GBF1: variants seen among roughly 807,000 people sequenced by gnomAD.
The protein encoded by GBF1 is Golgi-specific brefeldin A-resistance guanine nucleotide exchange factor 1.
GBF1 carries 114 observed loss-of-function variants against 210.5 expected under a neutral mutation model. The observed-to-expected ratio is 0.54, with a 90% CI of 0.47 to 0.63. GBF1 has a LOEUF of 0.63. GBF1 is among the 30% of genes least tolerant of loss of function. GBF1 has a pLI of 0.00. For synonymous variants in GBF1, 850 were observed against 889.2 expected (o/e 0.96, Z 0.78); for missense variants, 1,851 against 2,357.7 (o/e 0.79, Z 4.45).
At chr10:102,240,267 G>C in the GBF1 span, among the ~76,000 whole-genome samples, 7 of 152,122 alleles carry the variant, frequency 4.6e-5, no homozygotes, top group Admixed American at 4.6e-4. Flanking sequence ...TCCTTTCCTG[G>C]TCTTGATTCC....
chr10:102,249,692 C>CT lies in GBF1; in HGVS notation c.-11+3926dup, dbSNP rs200423046. Reference sequence around the variant, plus strand: ...CTCTGCATCTTTAGTGTTTCTCTGGCTTTTTTTTTTTTTTTCTCTGATGGA... The same window carrying CT: ...CTCTGCATCTTTAGTGTTTCTCTGGCTTTTTTTTTTTTTTTTCTCTGATGGA... On this transcript the variant is annotated intron_variant, in intron 1 of 39. Coordinates refer to ENST00000369983, the MANE Select transcript of GBF1 (RefSeq NM_001377137.1). Among the ~76,000 whole-genome samples, 677 of 142,126 alleles carry CT rather than the reference C, an allele frequency of 4.8e-3. 1 individual carries two copies. Among genetic ancestry groups the CT allele is most frequent in the African/African-American group, 7.0e-3 (274 of 39,008 alleles). The allele number at this position is 142,126 out of a possible 152,430, so 93.2% of individuals were successfully genotyped here.
At chr10:102,253,580 C>T (rs905065175) in intron 1 of GBF1, among the ~76,000 whole-genome samples, 7 of 152,078 alleles carry the variant, frequency 4.6e-5, no homozygotes, top group African/African-American at 9.7e-5. Context: ...GTGGTGTGAT[C>T]GTGGCTCACT....
intron 3 of GBF1, among the ~76,000 whole-genome samples, chr10:102,312,225 G>A (rs2078509911): frequency 6.6e-6 from 1 of 151,922 alleles, no homozygotes; most frequent in Non-Finnish European, 1.5e-5. Context: ...CCTCGGGGGT[G>A]GAGGTTGCGG....
chr10:102,363,215 A>T lies in GBF1; in HGVS notation c.1877-41A>T. The T allele has an allele frequency of 6.4e-7, 1 of 1,566,280 alleles. No homozygotes were observed. Among genetic ancestry groups the T allele is most frequent in the South Asian group, 1.2e-5 (1 of 85,344 alleles). ...CTATCCTGCAGCTCTGCTTGGCTTC[A>T]TACCCTATAAGTCTTCACGTATCTT... is the stretch of plus-strand genomic sequence containing the variant. On this transcript the variant is annotated intron_variant, in intron 15 of 39. Coordinates refer to ENST00000369983, the MANE Select transcript of GBF1 (RefSeq NM_001377137.1). This position sits in a 1 kb window ranked among gnomAD's most constrained non-coding sequence, Gnocchi z 4.2.
At chr10:102,323,623 G>C (rs2056635737) in intron 3 of GBF1, among the ~76,000 whole-genome samples, 1 of 134,568 alleles carries the variant, frequency 7.4e-6, no homozygotes, top group African/African-American at 2.8e-5. Flanking sequence ...TCGCTATATT[G>C]CCCAACTCCT....
At chr10:102,380,052 G>C in intron 36 of GBF1, 98 bp downstream of exon 36, 1 of 839,540 alleles carries the variant, frequency 1.2e-6, no homozygotes, top group Non-Finnish European at 2.0e-6. Context: ...ATGCACTGTA[G>C]GTGCTCACAA....
chr10:102,276,525 CAAAA>C (rs67888654), intron 3 of GBF1, among the ~76,000 whole-genome samples: 1,425 of 113,542 alleles, frequency 0.013, 23 homozygotes, highest in African/African-American at 0.045. Flanking sequence ...GACTCTGCCT[CAAAA>C]AAAAAAAAAA....
intron 1 of GBF1, among the ~76,000 whole-genome samples, chr10:102,251,021 A>C (rs902778257): frequency 6.9e-6 from 1 of 144,002 alleles, no homozygotes; most frequent in Admixed American, 6.9e-5. Flanking sequence ...AAAAAAAAAA[A>C]CCACTTAAAC....
At chr10:102,344,719 A>C (rs2058420022) in intron 4 of GBF1, among the ~76,000 whole-genome samples, 1 of 152,022 alleles carries the variant, frequency 6.6e-6, no homozygotes, top group Non-Finnish European at 1.5e-5. Flanking sequence ...TGACCTCATG[A>C]TCTGCCCGCC....
At chr10:102,288,123 G>A (rs949512227) in intron 3 of GBF1, among the ~76,000 whole-genome samples, 3 of 152,144 alleles carry the variant, frequency 2.0e-5, no homozygotes, top group Non-Finnish European at 4.4e-5. Context: ...CAGTAAGCAT[G>A]ATCGATCTAC....
chr10:102,380,245 A>G lies in GBF1; in HGVS notation c.4879-4A>G, dbSNP rs531681933. ...CTCAGCTGAAGGGGGCTGGTGGGCC[A>G]TAGGTCTTCCTGCAGCACCTGTCTC... On this transcript the variant is annotated splice_polypyrimidine_tract_variant and splice_region_variant and intron_variant, in intron 36 of 39. Transcript: ENST00000369983. 1 of 1,605,832 alleles carries G rather than the reference A, an allele frequency of 6.2e-7. No individual in the cohort carries two copies. Among genetic ancestry groups the G allele is most frequent in the Admixed American group, 1.7e-5 (1 of 60,004 alleles).
At chr10:102,341,887 C>G (rs2058203740) in intron 3 of GBF1, among the ~76,000 whole-genome samples, 1 of 152,132 alleles carries the variant, frequency 6.6e-6, no homozygotes, top group Non-Finnish European at 1.5e-5. Context: ...CACAGAAAAT[C>G]TGTACCTGTC....
chr10:102,305,001 GAAA>G (rs2077718817), intron 3 of GBF1, among the ~76,000 whole-genome samples: 1 of 150,374 alleles, frequency 6.7e-6, no homozygotes, highest in South Asian at 2.1e-4. Flanking sequence ...AAGAAAGAAA[GAAA>G]GAAAGAAAGA....
chr10:102,266,632 G>A (rs977867064), intron 3 of GBF1, among the ~76,000 whole-genome samples: 3 of 152,132 alleles, frequency 2.0e-5, no homozygotes, highest in Non-Finnish European at 2.9e-5. Context: ...TCTTATTCCT[G>A]CTCTTTCCTT....
At chr10:102,237,773 C>CT in the GBF1 span, among the ~76,000 whole-genome samples, 25 of 152,048 alleles carry the variant, frequency 1.6e-4, no homozygotes, top group African/African-American at 4.3e-4. Flanking sequence ...AAAAATAAAG[C>CT]TTTTTTTAAT....
chr10:102,362,721 C>T, intron 15 of GBF1, 57 bp downstream of exon 15: 1 of 1,378,234 alleles, frequency 7.3e-7, no homozygotes. Flanking sequence ...CCCTTCTCTA[C>T]TCTCTGAGTC....
chr10:102,253,703 G>A (rs2071930185), intron 1 of GBF1, among the ~76,000 whole-genome samples: 1 of 152,020 alleles, frequency 6.6e-6, no homozygotes, highest in Non-Finnish European at 1.5e-5. Flanking sequence ...TTGTAGAGAT[G>A]GAGTTTTGCT....
At chr10:102,239,804 G>A in the GBF1 span, among the ~76,000 whole-genome samples, 1 of 152,210 alleles carries the variant, frequency 6.6e-6, no homozygotes, top group African/African-American at 2.4e-5. Flanking sequence ...TTAGAATTGG[G>A]GTCAGGGTGG....
rs1232416459 is a variant in GBF1 at position 102,363,660 on chromosome 10, G to C, written c.2018-50G>C. ...GTGACCTTCCAAAAGTCCTTATCTG[G>C]GTAAAAAAAGGTGTTACAGATATTT... On this transcript the variant is annotated intron_variant, in intron 16 of 39. Transcript: ENST00000369983. This position sits in a 1 kb window ranked among gnomAD's most constrained non-coding sequence, Gnocchi z 4.2. 1 of 1,219,392 alleles carries C rather than the reference G, an allele frequency of 8.2e-7. No individual in the cohort carries two copies. The highest frequency in any genetic ancestry group is 1.2e-6 in the Non-Finnish European group (1 of 821,444). 75.5% of individuals were successfully genotyped at this position (1,219,392 alleles called of 1,614,324 possible).
Sources: gnomAD v4.1 joint callset for allele counts (sites outside exome capture counted in the v4.1 genomes callset) on GRCh38, gnomAD v4.1.1 for gene constraint, Gnocchi (gnomAD v3.1) non-coding constraint, MANE v1.5 for transcripts, NCBI Gene and HGNC (gene_info 2026-07-23, HGNC 2026-07-21) for gene names.